CLSTN2: variants seen among roughly 807,000 people sequenced by gnomAD.
CLSTN2 encodes the protein calsyntenin-2.
Under a neutral mutation model 101.2 loss-of-function variants are expected in CLSTN2, and 48 were observed. The observed-to-expected ratio is 0.47, with a 90% confidence interval of 0.38 to 0.60. CLSTN2 has a LOEUF of 0.60. CLSTN2 is among the 20% of genes least tolerant of loss of function. The pLI is 0.00. For synonymous variants in CLSTN2, 481 were observed against 463.6 expected (o/e 1.04, Z -0.48); for missense variants, 1,160 against 1,238.2 (o/e 0.94, Z 0.95).
chr3:140,406,819 TG>T (rs1406767248), intron 4 of CLSTN2, among the ~76,000 whole-genome samples: 1 of 152,260 alleles, frequency 6.6e-6, no homozygotes, highest in Non-Finnish European at 1.5e-5. Flanking sequence ...AAGCTCTACT[TG>T]GCCTCCTGCC....
intron 1 of CLSTN2, among the ~76,000 whole-genome samples, chr3:140,119,457 C>A (rs186963679): frequency 1.4e-4 from 22 of 152,274 alleles, no homozygotes; most frequent in African/African-American, 5.3e-4. Context: ...TTAGTGTAAG[C>A]CGTTAATTAT....
chr3:140,457,773 C>T (rs1933441352), intron 6 of CLSTN2, among the ~76,000 whole-genome samples: 1 of 152,136 alleles, frequency 6.6e-6, no homozygotes, highest in South Asian at 2.1e-4. Flanking sequence ...TAACTGAGTG[C>T]CTACTATGTG....
intron 2 of CLSTN2, among the ~76,000 whole-genome samples, chr3:140,228,109 T>C (rs372243408): frequency 7.4e-4 from 113 of 152,338 alleles, no homozygotes; most frequent in African/African-American, 2.5e-3. Context: ...TGGGATGTTC[T>C]TCTCTATCTC....
In CLSTN2 at chr3:140,576,217, G is replaced by A. The variant is rs574670669; in HGVS notation, c.*9964G>A. 10 of 152,278 alleles carry A rather than the reference G, an allele frequency of 6.6e-5. No individual in the cohort carries two copies. Among genetic ancestry groups the A allele is most frequent in the South Asian group, 4.1e-4 (2 of 4,820 alleles). 9.4% of individuals were successfully genotyped at this position (152,278 alleles called of 1,614,324 possible). On this transcript the variant is annotated 3_prime_UTR_variant, in exon 17 of 17. Coordinates refer to ENST00000458420, the MANE Select transcript of CLSTN2 (RefSeq NM_022131.3). ...AGACACAAGGTCTGGCTCCCTTGTC[G>A]TGAGAGTGAAGGCATGCTGCACACA...
intron 2 of CLSTN2, among the ~76,000 whole-genome samples, chr3:140,186,880 T>C (rs1168436833): frequency 6.6e-6 from 1 of 152,150 alleles, no homozygotes. Flanking sequence ...TTCTGCACAT[T>C]AATGATACCA....
chr3:140,320,672 T>C (rs1403002664), intron 2 of CLSTN2, among the ~76,000 whole-genome samples: 1 of 151,592 alleles, frequency 6.6e-6, no homozygotes, highest in East Asian at 1.9e-4. Context: ...ATATGCATAA[T>C]GTATGTATTG....
At chr3:140,155,327 G>T (rs1293593943) in intron 1 of CLSTN2, among the ~76,000 whole-genome samples, 1 of 152,120 alleles carries the variant, frequency 6.6e-6, no homozygotes, top group Admixed American at 6.5e-5. Context: ...TATGTATGGT[G>T]ATGTAAGAAC....
At chr3:140,193,261 GTTTTTTTTTTT>G (rs367933711) in intron 2 of CLSTN2, among the ~76,000 whole-genome samples, 1 of 87,444 alleles carries the variant, frequency 1.1e-5, no homozygotes, top group Non-Finnish European at 2.3e-5. Flanking sequence ...CTTTTTTATA[GTTTTTTTTTTT>G]TTTTTTTTTT....
At chr3:140,033,991 T>C (rs1218159772) in intron 1 of CLSTN2, among the ~76,000 whole-genome samples, 1 of 152,214 alleles carries the variant, frequency 6.6e-6, no homozygotes, top group Non-Finnish European at 1.5e-5. Flanking sequence ...CTTTCAAGAC[T>C]GCACCAATGT....
At chr3:140,250,180 C>T (rs993578526) in intron 2 of CLSTN2, among the ~76,000 whole-genome samples, 2 of 152,172 alleles carry the variant, frequency 1.3e-5, no homozygotes, top group Admixed American at 6.5e-5. Context: ...AAACTTTTTG[C>T]GCAGCAAATG....
At chr3:140,068,170 G>C (rs961711423) in intron 1 of CLSTN2, among the ~76,000 whole-genome samples, 1 of 152,200 alleles carries the variant, frequency 6.6e-6, no homozygotes, top group Non-Finnish European at 1.5e-5. Context: ...CCTGGGCATA[G>C]GCCACTCTTT....
At chr3:140,297,942 AC>A (rs1315062872) in intron 2 of CLSTN2, among the ~76,000 whole-genome samples, 1 of 152,240 alleles carries the variant, frequency 6.6e-6, no homozygotes, top group African/African-American at 2.4e-5. Flanking sequence ...ATCTGATGTA[AC>A]CCCAACATAA....
chr3:140,276,870 G>T (rs1385497521), intron 2 of CLSTN2, among the ~76,000 whole-genome samples: 1 of 152,146 alleles, frequency 6.6e-6, no homozygotes, highest in Non-Finnish European at 1.5e-5. Flanking sequence ...ACTCTGGGCT[G>T]CCTTTCACAA....
At chr3:140,268,483 G>A (rs1405644929) in intron 2 of CLSTN2, among the ~76,000 whole-genome samples, 17 of 152,192 alleles carry the variant, frequency 1.1e-4, no homozygotes, top group African/African-American at 4.1e-4. Flanking sequence ...TAGATCTGAT[G>A]TGCAAGGACA....
intron 4 of CLSTN2, among the ~76,000 whole-genome samples, chr3:140,405,351 C>T (rs1339297909): frequency 6.6e-6 from 1 of 152,074 alleles, no homozygotes; most frequent in African/African-American, 2.4e-5. Flanking sequence ...CCTCAGCCTC[C>T]CGAGGAGCTG....
intron 2 of CLSTN2, among the ~76,000 whole-genome samples, chr3:140,221,507 A>C (rs1315890799): frequency 6.6e-6 from 1 of 152,162 alleles, no homozygotes; most frequent in Non-Finnish European, 1.5e-5. Context: ...GGCAGTTAAC[A>C]CTTCTATACC....
At chr3:140,410,222 A>G (rs1446561649) in intron 4 of CLSTN2, among the ~76,000 whole-genome samples, 1 of 152,028 alleles carries the variant, frequency 6.6e-6, no homozygotes, top group African/African-American at 2.4e-5. Context: ...ATTCAACCCC[A>G]AAAGACTTTG....
chr3:140,044,529 C>T (rs995334569), intron 1 of CLSTN2, among the ~76,000 whole-genome samples: 12 of 152,282 alleles, frequency 7.9e-5, no homozygotes, highest in African/African-American at 2.6e-4. Flanking sequence ...ATTTCTTTCT[C>T]CTGCCTGATT....
intron 4 of CLSTN2, among the ~76,000 whole-genome samples, chr3:140,419,253 C>G (rs2088466052): frequency 2.0e-5 from 3 of 150,750 alleles, no homozygotes. Context: ...GAGGATGAGG[C>G]AGGTGGATCA....
Sources: allele counts gnomAD v4.1 joint callset (sites outside exome capture counted in the v4.1 genomes callset), GRCh38; gene constraint gnomAD v4.1.1; transcripts MANE v1.5; gene names NCBI Gene and HGNC (gene_info 2026-07-23, HGNC 2026-07-21).